Variants in CDH13 observed in about 807,000 individuals in gnomAD.
The protein encoded by CDH13 is cadherin-13.
Under a neutral mutation model 63.8 loss-of-function variants are expected in CDH13, and 24 were observed. The observed-to-expected ratio is 0.38, with a 90% CI of 0.27 to 0.53. The LOEUF (loss-of-function observed/expected upper bound fraction) is 0.53, where lower values mean the gene tolerates loss of function less well. Among genes scored for constraint, CDH13 ranks in the 20% least tolerant of loss-of-function variants. CDH13 has a pLI of 0.85. For missense variants in CDH13, 1,049 were observed against 903.1 expected (o/e 1.16, Z -2.07); for synonymous variants, 503 against 355.3 (o/e 1.42, Z -4.67).
intron 10 of CDH13, among the ~76,000 whole-genome samples, chr16:83,737,294 T>G (rs1333537462): frequency 6.6e-6 from 1 of 152,218 alleles, no homozygotes; most frequent in Non-Finnish European, 1.5e-5. Context: ...CTGAGTAGTT[T>G]ATCTCAGTGG....
intron 5 of CDH13, among the ~76,000 whole-genome samples, chr16:83,331,405 T>A (rs1311575627): frequency 6.6e-6 from 1 of 152,216 alleles, no homozygotes; most frequent in East Asian, 1.9e-4. Context: ...GATGATGTCC[T>A]ATGTACTTAA....
intron 10 of CDH13, among the ~76,000 whole-genome samples, chr16:83,742,255 G>A (rs28713467): frequency 0.22 from 33,800 of 152,050 alleles, 4,134 homozygotes; most frequent in East Asian, 0.55. Context: ...GCCTTCCAGG[G>A]TGGCGCAGGC....
intron 2 of CDH13, among the ~76,000 whole-genome samples, chr16:82,970,533 G>A (rs1908579508): frequency 7.0e-6 from 1 of 143,358 alleles, no homozygotes; most frequent in African/African-American, 2.5e-5. Flanking sequence ...CCGAGTAGCT[G>A]GGACTACAGG....
intron 8 of CDH13, among the ~76,000 whole-genome samples, chr16:83,623,865 C>G (rs1444053254): frequency 1.3e-5 from 2 of 152,210 alleles, no homozygotes; most frequent in Non-Finnish European, 2.9e-5. Context: ...TAGCGGAAGC[C>G]TAAGACTAGA....
chr16:82,896,221 T>A (rs996128583), intron 2 of CDH13, among the ~76,000 whole-genome samples: 1 of 150,408 alleles, frequency 6.6e-6, no homozygotes, highest in Non-Finnish European at 1.5e-5. Context: ...CTTACAACAC[T>A]GCCAGGCATA....
intron 5 of CDH13, among the ~76,000 whole-genome samples, chr16:83,275,892 C>T (rs12448958): frequency 0.95 from 144,152 of 152,276 alleles, 68,752 homozygotes; most frequent in Middle Eastern, 1. Context: ...GAAGAGCTTA[C>T]AAACTAATGA....
At chr16:83,241,774 A>G (rs186073338) in intron 5 of CDH13, among the ~76,000 whole-genome samples, 40 of 152,204 alleles carry the variant, frequency 2.6e-4, no homozygotes, top group African/African-American at 9.1e-4. Flanking sequence ...ATTTTCTCCT[A>G]TTTAGTAAGT....
At chr16:83,438,037 A>C (rs988647317) in intron 6 of CDH13, among the ~76,000 whole-genome samples, 1 of 151,216 alleles carries the variant, frequency 6.6e-6, no homozygotes, top group African/African-American at 2.4e-5. Flanking sequence ...CGGTCTCCCT[A>C]CTCTCCCCTG....
intron 5 of CDH13, among the ~76,000 whole-genome samples, chr16:83,340,701 GA>G (rs2090702616): frequency 6.6e-6 from 1 of 152,170 alleles, no homozygotes; most frequent in African/African-American, 2.4e-5. Context: ...CTGGCTTGGA[GA>G]CTGACCTTTG....
At chr16:83,658,643 C>T (rs1037824204) in intron 8 of CDH13, among the ~76,000 whole-genome samples, 6 of 150,492 alleles carry the variant, frequency 4.0e-5, no homozygotes, top group Middle Eastern at 3.4e-3. Flanking sequence ...CTCATGTCCT[C>T]ACCACCAGGT....
intron 1 of CDH13, among the ~76,000 whole-genome samples, chr16:82,673,601 A>G (rs1195219552): frequency 6.6e-6 from 1 of 152,262 alleles, no homozygotes; most frequent in Non-Finnish European, 1.5e-5. Flanking sequence ...GAAAGGGAGA[A>G]TGCAACAGCA....
chr16:83,151,061 G>A (rs551367869), intron 4 of CDH13, among the ~76,000 whole-genome samples: 3 of 152,254 alleles, frequency 2.0e-5, no homozygotes, highest in Admixed American at 2.0e-4. Flanking sequence ...TTGAAGTAAA[G>A]TGAAATCAAT....
At chr16:83,557,649 G>T (rs1014761820) in intron 7 of CDH13, among the ~76,000 whole-genome samples, 1 of 152,138 alleles carries the variant, frequency 6.6e-6, no homozygotes, top group African/African-American at 2.4e-5. Context: ...AAATGCCCTG[G>T]AGTTGAGTCT....
At chr16:83,322,348 C>T (rs930358457) in intron 5 of CDH13, among the ~76,000 whole-genome samples, 1 of 152,180 alleles carries the variant, frequency 6.6e-6, no homozygotes. Context: ...AGCCAGAGAA[C>T]ATAAATGAAC....
intron 3 of CDH13, among the ~76,000 whole-genome samples, chr16:83,044,128 C>T (rs1343835149): frequency 6.6e-6 from 1 of 152,184 alleles, no homozygotes; most frequent in African/African-American, 2.4e-5. Context: ...ACACATCCAT[C>T]TGTTTTTCTC....
At chr16:82,717,214 G>A (rs140590445) in intron 1 of CDH13, among the ~76,000 whole-genome samples, 1 of 152,154 alleles carries the variant, frequency 6.6e-6, no homozygotes, top group Non-Finnish European at 1.5e-5. Context: ...GCCCAGAGAT[G>A]CATAAGAGGA....
At chr16:83,382,480 C>A (rs2091587852) in intron 6 of CDH13, among the ~76,000 whole-genome samples, 2 of 152,156 alleles carry the variant, frequency 1.3e-5, no homozygotes, top group African/African-American at 4.8e-5. Context: ...TACACTCTAT[C>A]TCCCTATGTA....
At chr16:83,283,750 G>T (rs1481479429) in intron 5 of CDH13, among the ~76,000 whole-genome samples, 1 of 152,124 alleles carries the variant, frequency 6.6e-6, no homozygotes, top group Non-Finnish European at 1.5e-5. Flanking sequence ...GTCTTAGTTT[G>T]AGCTGGAAAT....
chr16:82,730,280 C>G (rs1166124608), intron 1 of CDH13, among the ~76,000 whole-genome samples: 1 of 152,186 alleles, frequency 6.6e-6, no homozygotes, highest in Non-Finnish European at 1.5e-5. Context: ...CTTAATCATT[C>G]TAGCTTTTGA....
Sources: allele counts gnomAD v4.1 joint callset (sites outside exome capture counted in the v4.1 genomes callset), GRCh38; gene constraint gnomAD v4.1.1; transcripts MANE v1.5; gene names NCBI Gene and HGNC (gene_info 2026-07-23, HGNC 2026-07-21).